ADAMTSL1: variants seen among roughly 807,000 people sequenced by gnomAD.
ADAMTSL1 encodes the protein ADAMTS-like protein 1.
A neutral mutation model predicts 201.8 loss-of-function variants in ADAMTSL1; 126 were observed. The ratio of observed to expected loss-of-function variants is 0.62; its 90% CI spans 0.54 to 0.72. ADAMTSL1 has a LOEUF of 0.72. Ranked by LOEUF, ADAMTSL1 falls within the 30% of genes least tolerant of loss-of-function variation. The pLI, the probability that ADAMTSL1 is intolerant of heterozygous loss-of-function variation, is 0.00. For missense variants in ADAMTSL1, 2,679 were observed against 2,277.8 expected (o/e 1.18, Z -3.59); for synonymous variants, 1,121 against 903.4 (o/e 1.24, Z -4.32).
intron 2 of ADAMTSL1, among the ~76,000 whole-genome samples, chr9:18,244,583 C>G (rs1768458744): frequency 6.6e-6 from 1 of 152,078 alleles, no homozygotes; most frequent in African/African-American, 2.4e-5. Flanking sequence ...CCTCACTCTT[C>G]CCCTTCACCC....
chr9:18,387,011 AG>A (rs778597251), intron 2 of ADAMTSL1, among the ~76,000 whole-genome samples: 25 of 152,274 alleles, frequency 1.6e-4, no homozygotes, highest in Non-Finnish European at 3.1e-4. Flanking sequence ...ATGATGTGGT[AG>A]AAGTATATTT....
chr9:18,840,175 C>T (rs1277554685), intron 23 of ADAMTSL1, among the ~76,000 whole-genome samples: 6 of 150,630 alleles, frequency 4.0e-5, no homozygotes, highest in Non-Finnish European at 7.4e-5. Flanking sequence ...TTAGGTCTAA[C>T]GTTTAAGTCT....
chr9:18,196,484 T>C (rs1257239708), intron 2 of ADAMTSL1, among the ~76,000 whole-genome samples: 1 of 152,022 alleles, frequency 6.6e-6, no homozygotes, highest in African/African-American at 2.4e-5. Context: ...TCCTCCGGGA[T>C]TCCTTGATGA....
At chr9:18,018,171 G>T (rs571689577) in intron 1 of ADAMTSL1, among the ~76,000 whole-genome samples, 2 of 152,220 alleles carry the variant, frequency 1.3e-5, no homozygotes, top group Non-Finnish European at 2.9e-5. Context: ...GCTATTTACA[G>T]AATAAGTTTG....
intron 2 of ADAMTSL1, among the ~76,000 whole-genome samples, chr9:18,196,104 C>T (rs575089443): frequency 1.8e-4 from 27 of 152,142 alleles, no homozygotes; most frequent in Middle Eastern, 6.8e-3. Flanking sequence ...ATTCCAGGGA[C>T]GTTGCCATTC....
At chr9:18,127,347 T>C (rs549031456) in intron 1 of ADAMTSL1, among the ~76,000 whole-genome samples, 20 of 152,122 alleles carry the variant, frequency 1.3e-4, no homozygotes, top group African/African-American at 4.8e-4. Context: ...GATGTAATGG[T>C]CATGTAAAAT....
At chr9:18,020,761 C>T (rs1820448782) in intron 1 of ADAMTSL1, among the ~76,000 whole-genome samples, 1 of 152,068 alleles carries the variant, frequency 6.6e-6, no homozygotes, top group African/African-American at 2.4e-5. Flanking sequence ...TAGAGGGAGT[C>T]TCTTGAAATG....
At chr9:17,914,016 G>A (rs1490073171) in intron 1 of ADAMTSL1, among the ~76,000 whole-genome samples, 14 of 152,164 alleles carry the variant, frequency 9.2e-5, no homozygotes, top group Admixed American at 9.2e-4. Flanking sequence ...CTCTGAAATT[G>A]TGGCAATAAT....
intron 1 of ADAMTSL1, among the ~76,000 whole-genome samples, chr9:18,494,755 C>T (rs897170198): frequency 2.0e-5 from 3 of 152,194 alleles, no homozygotes; most frequent in South Asian, 2.1e-4. Flanking sequence ...TATAAATCCT[C>T]GCTCCAGAAG....
chr9:18,719,778 C>T (rs535226303), intron 14 of ADAMTSL1, among the ~76,000 whole-genome samples: 52 of 152,258 alleles, frequency 3.4e-4, no homozygotes, highest in Non-Finnish European at 6.6e-4. Flanking sequence ...TGGACTAGAT[C>T]AATGTCACAT....
intron 23 of ADAMTSL1, among the ~76,000 whole-genome samples, chr9:18,880,677 G>A (rs2131506199): frequency 1.3e-5 from 2 of 152,286 alleles, no homozygotes; most frequent in Middle Eastern, 3.4e-3. Flanking sequence ...TAATTCTTAA[G>A]GGACCCAGGA....
chr9:18,014,028 C>T (rs2131563750), intron 1 of ADAMTSL1, among the ~76,000 whole-genome samples: 1 of 152,070 alleles, frequency 6.6e-6, no homozygotes, highest in African/African-American at 2.4e-5. Flanking sequence ...CAGAGATTAC[C>T]ATCAATCAAG....
At chr9:18,334,451 C>T (rs1237667442) in intron 2 of ADAMTSL1, among the ~76,000 whole-genome samples, 1 of 152,116 alleles carries the variant, frequency 6.6e-6, no homozygotes, top group Non-Finnish European at 1.5e-5. Context: ...GAGAATTATG[C>T]CTATCCTGTC....
At chr9:18,840,516 T>C (rs549035555) in intron 23 of ADAMTSL1, among the ~76,000 whole-genome samples, 9 of 152,282 alleles carry the variant, frequency 5.9e-5, no homozygotes, top group Admixed American at 1.3e-4. Context: ...CTTCGCGATG[T>C]GGGCTCTTTT....
intron 16 of ADAMTSL1, among the ~76,000 whole-genome samples, chr9:18,766,562 C>G (rs1286375013): frequency 6.6e-6 from 1 of 152,160 alleles, no homozygotes; most frequent in Non-Finnish European, 1.5e-5. Flanking sequence ...ATACCGTAGA[C>G]TGAGTAGCTT....
chr9:18,262,125 C>G (rs1831947360), intron 2 of ADAMTSL1, among the ~76,000 whole-genome samples: 1 of 152,128 alleles, frequency 6.6e-6, no homozygotes, highest in Non-Finnish European at 1.5e-5. Context: ...CAGGCAAACC[C>G]TACGACTTCA....
intron 19 of ADAMTSL1, among the ~76,000 whole-genome samples, chr9:18,784,938 G>T (rs1184115033): frequency 2.0e-5 from 3 of 152,152 alleles, no homozygotes; most frequent in Non-Finnish European, 4.4e-5. Flanking sequence ...GGCCGAGGTG[G>T]GCAGATCACG....
At chr9:18,078,257 G>A (rs188876188) in intron 1 of ADAMTSL1, among the ~76,000 whole-genome samples, 4 of 152,118 alleles carry the variant, frequency 2.6e-5, no homozygotes, top group African/African-American at 7.2e-5. Flanking sequence ...TTATAGTCGC[G>A]CAGTGGGGAA....
chr9:18,378,323 A>G (rs1412209352), intron 2 of ADAMTSL1, among the ~76,000 whole-genome samples: 1 of 152,194 alleles, frequency 6.6e-6, no homozygotes, highest in East Asian at 1.9e-4. Context: ...AGCTATTTTG[A>G]GTTATTTTTC....
Sources: allele counts gnomAD v4.1 joint callset (sites outside exome capture counted in the v4.1 genomes callset), GRCh38; gene constraint gnomAD v4.1.1; transcripts MANE v1.5; gene names NCBI Gene and HGNC (gene_info 2026-07-23, HGNC 2026-07-21).